Variants in GSE1 observed in about 807,000 individuals in gnomAD.
The protein encoded by GSE1 is genetic suppressor element 1.
A neutral mutation model predicts 112.6 loss-of-function variants in GSE1; 32 were observed. The ratio of observed to expected loss-of-function variants is 0.28; its 90% CI spans 0.21 to 0.38. The LOEUF is 0.38. Ranked by LOEUF, GSE1 falls within the 10% of genes least tolerant of loss-of-function variation. GSE1 has a pLI of 1.00. For missense variants in GSE1, 2,348 were observed against 1,699.2 expected, an observed-to-expected ratio of 1.38 and a Z score of -6.71; for synonymous variants, 1,115 against 735.6, an observed-to-expected ratio of 1.52 and a Z score of -8.35.
rs2303202 is a variant in GSE1 at position 85,670,978 on chromosome 16, A to G, written c.3416-17A>G. 0.4 allele frequency: 601,966 copies of G among 1,512,896 alleles called. 123,040 individuals carry two copies. The highest frequency in any genetic ancestry group is 0.55 in the East Asian group (24,562 of 44,284). The allele number at this position is 1,512,896 out of a possible 1,614,324, so 93.7% of individuals were successfully genotyped here. ...TCCTGCATACGGAAAATACATCACC[A>G]TCTCCTGTCTTTTCAGAGCAAAATC... On this transcript the variant is annotated splice_polypyrimidine_tract_variant and intron_variant, in intron 14 of 15. Coordinates refer to ENST00000253458, the MANE Select transcript of GSE1 (RefSeq NM_014615.5).
At chr16:85,319,848 C>G (rs1436377716) in intron 1 of GSE1, among the ~76,000 whole-genome samples, 1 of 152,182 alleles carries the variant, frequency 6.6e-6, no homozygotes, top group Admixed American at 6.5e-5. Context: ...TTGAACTGAA[C>G]TGAAGTGCCG....
At chr16:85,625,149 G>A (rs117769996) in intron 1 of GSE1, among the ~76,000 whole-genome samples, 2,611 of 152,222 alleles carry the variant, frequency 0.017, 26 homozygotes, top group Non-Finnish European at 0.026. Flanking sequence ...CCTCCCTGCC[G>A]AGGCCAGGCT....
chr16:85,553,146 G>A (rs1208528461), upstream of GSE1, among the ~76,000 whole-genome samples: 3 of 148,536 alleles, frequency 2.0e-5, no homozygotes, highest in South Asian at 2.1e-4. Flanking sequence ...CCCCCGCCCC[G>A]CCCCCCAGGG....
At chr16:85,309,788 G>A (rs1467169394) in intron 1 of GSE1, among the ~76,000 whole-genome samples, 2 of 152,240 alleles carry the variant, frequency 1.3e-5, no homozygotes, top group Non-Finnish European at 2.9e-5. Context: ...GCCGGCTGGC[G>A]GCCTGGGGTT....
chr16:85,555,577 C>T (rs1567584293), upstream of GSE1: 2 of 926,760 alleles, frequency 2.2e-6, no homozygotes, highest in Non-Finnish European at 2.6e-6. Context: ...TCGCCCCCTC[C>T]TCCTCTCCCC....
At chr16:85,245,711 A>C (rs1469435323) in intron 1 of GSE1, among the ~76,000 whole-genome samples, 1 of 152,182 alleles carries the variant, frequency 6.6e-6, no homozygotes, top group Non-Finnish European at 1.5e-5. Context: ...GGGACCTTTA[A>C]TAGAAAAAAA....
intron 1 of GSE1, among the ~76,000 whole-genome samples, chr16:85,331,451 GTATA>G (rs557560720): frequency 7.1e-6 from 1 of 140,346 alleles, no homozygotes; most frequent in African/African-American, 2.7e-5. Context: ...GCGTATATAT[GTATA>G]TATATGTGTG....
chr16:85,369,921 A>T (rs2151595243), intron 2 of GSE1, among the ~76,000 whole-genome samples: 1 of 152,332 alleles, frequency 6.6e-6, no homozygotes, highest in Non-Finnish European at 1.5e-5. Context: ...TGCCTGGCTC[A>T]ACCCCAAGGG....
At chr16:85,671,849 G>A (rs896129781) in intron 15 of GSE1, 1 of 158,258 alleles carries the variant, frequency 6.3e-6, no homozygotes, top group Admixed American at 6.1e-5. Context: ...AGATGTCCTT[G>A]GGGGGCAGGG....
At chr16:85,425,825 G>A (rs148812427) in intron 2 of GSE1, among the ~76,000 whole-genome samples, 2 of 152,330 alleles carry the variant, frequency 1.3e-5, no homozygotes. Flanking sequence ...CAAGTAAAAG[G>A]CAAGGAAGAA....
In GSE1 at chr16:85,666,004, T is replaced by C; in HGVS notation, c.2787T>C (p.Asp929=). The C allele has an allele frequency of 6.2e-7, 1 of 1,613,510 alleles. No individual in the cohort carries two copies. The highest frequency in any genetic ancestry group is 1.1e-5 in the South Asian group (1 of 91,088). The change falls in exon 13 of 16, where the codon GAT becomes GAC. Residue 929 remains aspartate (D), a synonymous_variant. Coordinates refer to ENST00000253458, the MANE Select transcript of GSE1 (RefSeq NM_014615.5). The stretch of plus-strand genomic sequence containing the variant: ...CAGCCACGCAGCAAGCCTCTCTGGA[T>C]GTGGAGAAGCCGGTTGGTGTTGCTG... ...SEPATQQASL[D]VEKPVGVAAS...
At chr16:85,176,591 G>T (rs1339558867) in intron 1 of GSE1, among the ~76,000 whole-genome samples, 1 of 152,258 alleles carries the variant, frequency 6.6e-6, no homozygotes, top group Non-Finnish European at 1.5e-5. Flanking sequence ...CAAGCCAGTT[G>T]GCGGGCGGGC....
At chr16:85,478,928 TC>T (rs2050580280) in intron 2 of GSE1, among the ~76,000 whole-genome samples, 6 of 31,916 alleles carry the variant, frequency 1.9e-4, no homozygotes, top group African/African-American at 1.3e-3. Flanking sequence ...TCTTTCTTTC[TC>T]TTTCTTTCTT....
At chr16:85,518,886 C>T (rs900205303) in intron 2 of GSE1, among the ~76,000 whole-genome samples, 1 of 152,112 alleles carries the variant, frequency 6.6e-6, no homozygotes, top group Non-Finnish European at 1.5e-5. Context: ...CACACCTGGG[C>T]CCCCAACACA....
At chr16:85,226,725 C>G (rs892613482) in intron 1 of GSE1, among the ~76,000 whole-genome samples, 4 of 149,754 alleles carry the variant, frequency 2.7e-5, no homozygotes, top group African/African-American at 9.9e-5. Flanking sequence ...TGAGCCTGAG[C>G]CTCCCTGGGC....
intron 2 of GSE1, among the ~76,000 whole-genome samples, chr16:85,517,865 G>A (rs979597084): frequency 1.3e-4 from 20 of 152,386 alleles, no homozygotes; most frequent in Admixed American, 1.2e-3. Flanking sequence ...AAGCGGAGCC[G>A]CGTGGTCGCG....
intron 1 of GSE1, among the ~76,000 whole-genome samples, chr16:85,171,982 C>T (rs1412741736): frequency 4.6e-5 from 7 of 152,070 alleles, no homozygotes. Flanking sequence ...TTGGTGGGTA[C>T]GTTGGCCTGG....
At chr16:85,453,648 T>G (rs2049745115) in intron 2 of GSE1, among the ~76,000 whole-genome samples, 1 of 152,012 alleles carries the variant, frequency 6.6e-6, no homozygotes, top group South Asian at 2.1e-4. Context: ...GGTGGGCAGT[T>G]CCTGTCCTGA....
chr16:85,402,108 G>A (rs2048128233), intron 2 of GSE1, among the ~76,000 whole-genome samples: 1 of 152,228 alleles, frequency 6.6e-6, no homozygotes, highest in Non-Finnish European at 1.5e-5. Context: ...GGCCCAGAGA[G>A]GGTAGCATCC....
Sources: allele counts gnomAD v4.1 joint callset (sites outside exome capture counted in the v4.1 genomes callset), GRCh38; gene constraint gnomAD v4.1.1; transcripts MANE v1.5; gene names NCBI Gene and HGNC (gene_info 2026-07-23, HGNC 2026-07-21).